Variants in KHDRBS2 observed in about 807,000 individuals in gnomAD.
KHDRBS2 encodes KH domain-containing, RNA-binding, signal transduction-associated protein 2.
In KHDRBS2, 26 loss-of-function variants were observed where a neutral mutation model predicts 44.3. That is an observed-to-expected ratio of 0.59 (90% confidence interval 0.43 to 0.81). The LOEUF (loss-of-function observed/expected upper bound fraction) is 0.81, where lower values mean the gene tolerates loss of function less well. KHDRBS2 is among the 40% of genes least tolerant of loss of function. The probability of loss-of-function intolerance (pLI) is 0.00; values close to 1 mark genes in which losing one functional copy is unlikely to be tolerated. For synonymous variants in KHDRBS2, 194 were observed against 151.1 expected (o/e 1.28, Z -2.08); for missense variants, 476 against 433.1 (o/e 1.10, Z -0.88).
chr6:61,945,150 T>TATATATATATATATATACACAC (rs371595813), intron 4 of KHDRBS2, among the ~76,000 whole-genome samples: 1 of 87,012 alleles, frequency 1.1e-5, no homozygotes, highest in Non-Finnish European at 2.3e-5. Context: ...TATATATATA[T>TATATATATATATATATACACAC]ACACACAGAC....
intron 1 of KHDRBS2, among the ~76,000 whole-genome samples, chr6:62,281,391 G>T (rs1356213616): frequency 6.6e-6 from 1 of 152,050 alleles, no homozygotes; most frequent in Non-Finnish European, 1.5e-5. Flanking sequence ...GGAGGATGAG[G>T]CAGGTCAATC....
At chr6:61,920,774 T>C (rs1335273259) in intron 4 of KHDRBS2, among the ~76,000 whole-genome samples, 2 of 151,904 alleles carry the variant, frequency 1.3e-5, no homozygotes, top group Non-Finnish European at 2.9e-5. Flanking sequence ...ATAGTGATTT[T>C]AGTATCACTG....
intron 3 of KHDRBS2, among the ~76,000 whole-genome samples, chr6:62,006,188 T>A (rs1039482485): frequency 6.6e-6 from 1 of 151,854 alleles, no homozygotes; most frequent in Non-Finnish European, 1.5e-5. Flanking sequence ...AAAGAAAACC[T>A]CTAAAAAGGA....
At chr6:61,593,221 A>G in the KHDRBS2 span, among the ~76,000 whole-genome samples, 2 of 152,184 alleles carry the variant, frequency 1.3e-5, no homozygotes, top group Non-Finnish European at 2.9e-5. Context: ...ATAAGTTGCT[A>G]TAACAATTTC....
At chr6:61,782,689 G>GTGTATATATA (rs1189465280) in intron 6 of KHDRBS2, among the ~76,000 whole-genome samples, 3 of 111,120 alleles carry the variant, frequency 2.7e-5, no homozygotes, top group South Asian at 3.1e-4. Flanking sequence ...TAAAGGTTGT[G>GTGTATATATA]TATATATATA....
chr6:61,565,045 T>A, the KHDRBS2 span, among the ~76,000 whole-genome samples: 1 of 151,846 alleles, frequency 6.6e-6, no homozygotes, highest in Non-Finnish European at 1.5e-5. Context: ...TCAACAAAGG[T>A]GCCAAGAACA....
At chr6:62,044,887 A>T (rs1278196675) in intron 3 of KHDRBS2, among the ~76,000 whole-genome samples, 1 of 152,120 alleles carries the variant, frequency 6.6e-6, no homozygotes, top group Non-Finnish European at 1.5e-5. Flanking sequence ...GTCTTTGTCA[A>T]CATACATACC....
At chr6:62,198,655 G>C (rs562634147) in intron 1 of KHDRBS2, among the ~76,000 whole-genome samples, 76 of 152,256 alleles carry the variant, frequency 5.0e-4, no homozygotes, top group African/African-American at 1.7e-3. Context: ...TTTACCAGAG[G>C]TACAAGGAGG....
At chr6:62,051,596 A>G (rs1305689910) in intron 2 of KHDRBS2, among the ~76,000 whole-genome samples, 1 of 152,146 alleles carries the variant, frequency 6.6e-6, no homozygotes, top group East Asian at 1.9e-4. Context: ...TTTGGATGTC[A>G]TACCAAAAGC....
chr6:61,884,068 C>T (rs112741286), intron 6 of KHDRBS2, among the ~76,000 whole-genome samples: 1,538 of 152,094 alleles, frequency 0.01, 12 homozygotes, highest in Middle Eastern at 0.017. Context: ...TACCTATTTC[C>T]CTCTCCTGTC....
chr6:61,556,547 A>G, the KHDRBS2 span, among the ~76,000 whole-genome samples: 1 of 152,164 alleles, frequency 6.6e-6, no homozygotes, highest in African/African-American at 2.4e-5. Flanking sequence ...CCAAATACCC[A>G]AGTCTCAAAA....
intron 1 of KHDRBS2, among the ~76,000 whole-genome samples, chr6:62,267,732 G>T (rs1007211790): frequency 6.6e-6 from 1 of 151,872 alleles, no homozygotes; most frequent in Non-Finnish European, 1.5e-5. Flanking sequence ...CCCCCCATGT[G>T]GATCTTAAAC....
intron 3 of KHDRBS2, among the ~76,000 whole-genome samples, chr6:62,012,820 A>G (rs1484987802): frequency 6.6e-6 from 1 of 152,168 alleles, no homozygotes; most frequent in African/African-American, 2.4e-5. Flanking sequence ...AGTAACATAC[A>G]TAGCACTACT....
rs145917901 is a variant in KHDRBS2 at position 62,079,462 on chromosome 6, T to C, written c.220-31468A>G. Among the ~76,000 whole-genome samples, 220 of 152,150 alleles carry C rather than the reference T, an allele frequency of 1.4e-3. 1 individual carries two copies. The highest frequency in any genetic ancestry group is 5.0e-3 in the African/African-American group (206 of 41,544). On this transcript the variant is annotated intron_variant, in intron 2 of 8. Transcript: ENST00000281156. ...AAAATTAAAATATATTTTACATTTG[T>C]CACTGCAGAAAATTCTAAGACAAAT...
At chr6:61,614,413 C>T in the KHDRBS2 span, among the ~76,000 whole-genome samples, 6 of 152,196 alleles carry the variant, frequency 3.9e-5, no homozygotes, top group Admixed American at 2.6e-4. Context: ...GATAATAATA[C>T]TTCCAAAGAT....
chr6:61,917,054 A>G (rs1807155921), intron 4 of KHDRBS2, among the ~76,000 whole-genome samples: 1 of 147,382 alleles, frequency 6.8e-6, no homozygotes. Context: ...TTAGAGAACT[A>G]AACATACTCT....
At chr6:61,543,273 C>T in the KHDRBS2 span, among the ~76,000 whole-genome samples, 2 of 151,818 alleles carry the variant, frequency 1.3e-5, no homozygotes, top group Non-Finnish European at 2.9e-5. Context: ...GAAAAAATCT[C>T]ATAATCTGAT....
chr6:62,112,649 G>A (rs975551578), intron 2 of KHDRBS2, among the ~76,000 whole-genome samples: 2 of 152,124 alleles, frequency 1.3e-5, no homozygotes, highest in South Asian at 2.1e-4. Context: ...TAATGAAAGA[G>A]TGGTAGCAAA....
chr6:62,084,664 G>T (rs1662215647), intron 2 of KHDRBS2, among the ~76,000 whole-genome samples: 1 of 152,076 alleles, frequency 6.6e-6, no homozygotes, highest in Non-Finnish European at 1.5e-5. Context: ...GATATTTTTA[G>T]GGTATGAAAT....
Sources: gnomAD v4.1 joint callset for allele counts (sites outside exome capture counted in the v4.1 genomes callset) on GRCh38, gnomAD v4.1.1 for gene constraint, MANE v1.5 for transcripts, NCBI Gene and HGNC (gene_info 2026-07-23, HGNC 2026-07-21) for gene names.